The following BTBD8 variants were observed in gnomAD, a reference collection of about 807,000 sequenced individuals.
BTBD8 encodes BTB domain containing 8, also known as BTB/POZ domain-containing protein 8.
Under a neutral mutation model 162.9 loss-of-function variants are expected in BTBD8, and 110 were observed. The ratio of observed to expected loss-of-function variants is 0.68; its 90% confidence interval spans 0.58 to 0.79. The LOEUF (loss-of-function observed/expected upper bound fraction) is 0.79. Among genes scored for constraint, BTBD8 ranks in the 30% least tolerant of loss-of-function variants. BTBD8 has a pLI of 0.00. For synonymous variants in BTBD8, 667 were observed against 716.1 expected (o/e 0.93, Z 1.10); for missense variants, 1,905 against 2,085.4 (o/e 0.91, Z 1.68).
chr1:92,146,758 A>T (rs918643053), intron 7 of BTBD8, among the ~76,000 whole-genome samples: 1 of 151,966 alleles, frequency 6.6e-6, no homozygotes, highest in African/African-American at 2.4e-5. Context: ...TGCATTTAAG[A>T]TCCCCCCATG....
chr1:92,115,876 C>G (rs967621439), intron 4 of BTBD8: 1 of 154,044 alleles, frequency 6.5e-6, no homozygotes, highest in African/African-American at 2.4e-5. Flanking sequence ...GTCACTTTTT[C>G]TCTTCCTTTT....
At chr1:92,153,732 A>G (rs1220606721) in intron 9 of BTBD8, among the ~76,000 whole-genome samples, 1 of 152,234 alleles carries the variant, frequency 6.6e-6, no homozygotes, top group African/African-American at 2.4e-5. Context: ...TGTATACACC[A>G]CATTTTCTTT....
intron 7 of BTBD8, among the ~76,000 whole-genome samples, chr1:92,144,038 A>G (rs2100631233): frequency 7.8e-6 from 1 of 128,412 alleles, no homozygotes; most frequent in Admixed American, 9.6e-5. Context: ...AAGTGGTGCG[A>G]TCTCAGCTCA....
chr1:92,146,927 G>T (rs1649939271), intron 7 of BTBD8, among the ~76,000 whole-genome samples: 1 of 152,046 alleles, frequency 6.6e-6, no homozygotes, highest in Non-Finnish European at 1.5e-5. Flanking sequence ...TCATGTTTAG[G>T]TTTTTGTGTA....
chr1:92,180,536 G>A lies in BTBD8; in HGVS notation c.2853G>A (p.Gln951=). The A allele has an allele frequency of 6.4e-7, 1 of 1,551,598 alleles. No individual in the cohort carries two copies. Among genetic ancestry groups the A allele is most frequent in the Non-Finnish European group, 8.7e-7 (1 of 1,146,942 alleles). The change falls in exon 17 of 18, where the codon CAG becomes CAA. Residue 951 remains glutamine, a synonymous_variant. Transcript: ENST00000636805. ...CTGGACAGGTTATATCAAAAACTCAGCCTTCCTCCCAAAGACCTTTAAAAC... is the reference window on the plus strand; with the variant it reads ...CTGGACAGGTTATATCAAAAACTCAACCTTCCTCCCAAAGACCTTTAAAAC... ...MPPGQVISKT[Q]PSSQRPLKHE...
In BTBD8 at chr1:92,102,685, T is replaced by A. The variant is rs756073491; in HGVS notation, c.544+16T>A. The A allele has an allele frequency of 1.4e-6, 2 of 1,437,674 alleles. No individual in the cohort carries two copies. Among genetic ancestry groups the A allele is most frequent in the East Asian group, 2.5e-5 (1 of 39,264 alleles). The allele number at this position is 1,437,674 out of a possible 1,614,324, so 89.1% of individuals were successfully genotyped here. ...ATTTCCAATGGTGAGGTATTTTTTA[T>A]GGAGTTGTATTTATAGCCGTAAAAA... On this transcript the variant is annotated intron_variant, in intron 3 of 17. Coordinates refer to ENST00000636805, the MANE Select transcript of BTBD8 (RefSeq NM_001376131.1).
At chr1:92,178,173 T>C (rs1201582853) in intron 15 of BTBD8, 139 bp from the exon 16 acceptor site, 3 of 706,534 alleles carry the variant, frequency 4.2e-6, no homozygotes, top group Non-Finnish European at 7.0e-6. Flanking sequence ...TTAAAAAGAC[T>C]TATGAGCATA....
chr1:92,090,293 G>A lies in BTBD8; in HGVS notation c.347+1398G>A, dbSNP rs554470034. On this transcript the variant is annotated intron_variant, in intron 2 of 17. Coordinates refer to ENST00000636805, the MANE Select transcript of BTBD8 (RefSeq NM_001376131.1). Reference sequence around the variant, plus strand: ...AGGGCTTCAGTTTCTCCACATCCTCGGCACATTTGTTGTTATCTTCTGTAT... The same window carrying A: ...AGGGCTTCAGTTTCTCCACATCCTCAGCACATTTGTTGTTATCTTCTGTAT... Among the ~76,000 whole-genome samples the A allele has an allele frequency of 6.6e-5, 10 of 152,106 alleles. No homozygotes were observed. The East Asian group carries it at 1.5e-3, about 24-fold the overall frequency.
Position 92,177,301 on chromosome 1 carries a change from A to G in BTBD8, c.2108A>G (p.Gln703Arg). Residue 703 changes from glutamine (Q) to arginine (R), a missense_variant, in exon 14 of 18, where the codon CAA becomes CGA. Coordinates refer to ENST00000636805, the MANE Select transcript of BTBD8 (RefSeq NM_001376131.1). Reference protein sequence around the residue: ...PKVLTGNLNVQAKAKPLKKAT... With the variant: ...PKVLTGNLNVRAKAKPLKKAT... ...GTACTCACAGGAAACTTAAATGTGCAAGCCAAAGCAAAGCCTTTGAAGAAA... is the reference window on the plus strand; with the variant it reads ...GTACTCACAGGAAACTTAAATGTGCGAGCCAAAGCAAAGCCTTTGAAGAAA... 2 of 1,552,032 alleles carry G rather than the reference A, an allele frequency of 1.3e-6. No homozygotes were observed. The highest frequency in any genetic ancestry group is 1.7e-6 in the Non-Finnish European group (2 of 1,147,078).
In BTBD8 at chr1:92,180,349, A is replaced by G. The variant is rs987577052; in HGVS notation, c.2666A>G (p.Asn889Ser). 4.5e-6 allele frequency: 7 copies of G among 1,551,534 alleles called. No homozygotes were observed. Among genetic ancestry groups the G allele is most frequent in the African/African-American group, 4.1e-5 (3 of 73,042 alleles). ...SDENVAKLDH[N>S]TTTEKQAPKR... is the part of the protein sequence containing the mutation. ...GAAAATGTGGCAAAGTTGGACCACA[A>G]TACAACTACAGAGAAACAAGCACCT... Residue 889 changes from asparagine to serine, a missense_variant, in exon 17 of 18, where the codon AAT becomes AGT. By Grantham distance (46) the Asn-to-Ser change is conservative. Coordinates refer to ENST00000636805, the MANE Select transcript of BTBD8 (RefSeq NM_001376131.1).
chr1:92,171,585 A>C (rs937731761), intron 13 of BTBD8, 125 bp downstream of exon 13: 4 of 614,056 alleles, frequency 6.5e-6, no homozygotes, highest in African/African-American at 1.9e-5. Flanking sequence ...CTTAATGGAA[A>C]ATTTTTCTTT....
Position 92,129,667 on chromosome 1 carries a change from C to CT in BTBD8, c.663-19dup. 6.3e-7 allele frequency: 1 copy of CT among 1,577,078 alleles called. No homozygotes were observed. The highest frequency in any genetic ancestry group is 1.1e-5 in the South Asian group (1 of 90,274). ...AATATGTAAATGTTTACCTGTGTTT[C>CT]TCCCCCCTCTTCCCTTTAGGGCCAT... is the stretch of plus-strand genomic sequence containing the variant. On this transcript the variant is annotated intron_variant, in intron 4 of 17. Transcript: ENST00000636805.
At chr1:92,120,522 GTTGT>G (rs139581928) in intron 4 of BTBD8, among the ~76,000 whole-genome samples, 1,592 of 152,232 alleles carry the variant, frequency 0.01, 29 homozygotes, top group African/African-American at 0.037. Flanking sequence ...CAGTAACGTA[GTTGT>G]TTATTATCAA....
At chr1:92,096,812 A>G (rs1236728785) in intron 2 of BTBD8, among the ~76,000 whole-genome samples, 1 of 152,170 alleles carries the variant, frequency 6.6e-6, no homozygotes. Context: ...CGCTGAGATT[A>G]CAGGTATGAG....
Position 92,178,304 on chromosome 1 carries a change from T to C in BTBD8, c.2442-8T>C. 1 of 1,545,112 alleles carries C rather than the reference T, an allele frequency of 6.5e-7. No individual in the cohort carries two copies. The highest frequency in any genetic ancestry group is 8.7e-7 in the Non-Finnish European group (1 of 1,144,666). ...AGTGTAATACTGAATGCAAATAATT[T>C]TTTTTAGTGTACTAAAGAAAGTCAG... On this transcript the variant is annotated splice_polypyrimidine_tract_variant and splice_region_variant and intron_variant, in intron 15 of 17. Transcript: ENST00000636805.
chr1:92,139,102 T>C (rs954407866), intron 5 of BTBD8, among the ~76,000 whole-genome samples: 1 of 152,226 alleles, frequency 6.6e-6, no homozygotes, highest in African/African-American at 2.4e-5. Flanking sequence ...AAGTGTATGG[T>C]AGAAGACGCT....
intron 7 of BTBD8, among the ~76,000 whole-genome samples, chr1:92,143,800 C>T (rs1305922505): frequency 6.6e-6 from 1 of 151,964 alleles, no homozygotes; most frequent in African/African-American, 2.4e-5. Flanking sequence ...GCATGAGCCA[C>T]TGTGCCTAGC....
chr1:92,100,842 C>A (rs534994322), intron 2 of BTBD8, among the ~76,000 whole-genome samples: 1 of 152,270 alleles, frequency 6.6e-6, no homozygotes, highest in South Asian at 2.1e-4. Context: ...AACTCCTGAC[C>A]TCGTGATTCG....
At chr1:92,167,463 A>G (rs948036265) in intron 10 of BTBD8, among the ~76,000 whole-genome samples, 3 of 152,222 alleles carry the variant, frequency 2.0e-5, no homozygotes, top group Non-Finnish European at 4.4e-5. Flanking sequence ...TACAATTATG[A>G]TCCATGCAGA....
Sources: allele counts gnomAD v4.1 joint callset (sites outside exome capture counted in the v4.1 genomes callset), GRCh38; gene constraint gnomAD v4.1.1; transcripts MANE v1.5; gene names NCBI Gene and HGNC (gene_info 2026-07-23, HGNC 2026-07-21).